The following GOLGA1 variants were observed in gnomAD, a reference collection of about 807,000 sequenced individuals.
The protein encoded by GOLGA1 is golgin A1.
GOLGA1 carries 63 observed loss-of-function variants against 119.7 expected under a neutral mutation model. That is an observed-to-expected ratio of 0.53 (90% CI 0.43 to 0.65). The LOEUF (loss-of-function observed/expected upper bound fraction) is 0.65. Ranked by LOEUF, GOLGA1 falls within the 30% of genes least tolerant of loss-of-function variation. GOLGA1 has a pLI of 0.00. For synonymous variants in GOLGA1, 318 were observed against 333.4 expected, an observed-to-expected ratio of 0.95 and a Z score of 0.50; for missense variants, 798 against 912.8, an observed-to-expected ratio of 0.87 and a Z score of 1.62.
At chr9:124,919,884 C>G (rs1169779125) in intron 10 of GOLGA1, among the ~76,000 whole-genome samples, 2 of 152,066 alleles carry the variant, frequency 1.3e-5, no homozygotes, top group African/African-American at 4.8e-5. Context: ...TTGTTCTGCT[C>G]AAAATGCCAA....
At chr9:124,900,724 C>T (rs939915674) in intron 12 of GOLGA1, among the ~76,000 whole-genome samples, 177 bp from the exon 13 acceptor site, 19 of 152,186 alleles carry the variant, frequency 1.2e-4, no homozygotes, top group Middle Eastern at 3.2e-3. Context: ...AACGTATTTT[C>T]TTAAACTCTC....
chr9:124,913,681 CTGT>C (rs1830382775), intron 10 of GOLGA1, among the ~76,000 whole-genome samples: 1 of 152,228 alleles, frequency 6.6e-6, no homozygotes, highest in African/African-American at 2.4e-5. Flanking sequence ...TGAACTCTAT[CTGT>C]TGTTTTCTGA....
At chr9:124,924,578 G>A (rs926698325) in intron 7 of GOLGA1, among the ~76,000 whole-genome samples, 4 of 148,796 alleles carry the variant, frequency 2.7e-5, no homozygotes, top group African/African-American at 9.9e-5. Context: ...GCTGCAGTGA[G>A]CTATGACTGT....
Position 124,926,705 on chromosome 9 carries a change from T to A in GOLGA1, c.432+4A>T, listed in dbSNP as rs1830680840. ...AAATGAGACAAAAATAAAGATGAAC[T>A]AACCTTTTCAAGCTGATCCATCTTT... On this transcript the variant is annotated splice_donor_region_variant and intron_variant, in intron 7 of 22. Transcript: ENST00000373555. 1 of 1,573,418 alleles carries A rather than the reference T, an allele frequency of 6.4e-7. No homozygotes were observed. The highest frequency in any genetic ancestry group is 1.4e-5 in the African/African-American group (1 of 74,050).
At chr9:124,892,430 T>A (rs1375986966) in intron 15 of GOLGA1, among the ~76,000 whole-genome samples, 1 of 152,236 alleles carries the variant, frequency 6.6e-6, no homozygotes, top group East Asian at 1.9e-4. Context: ...TTAGTTATAC[T>A]TGACCAATTT....
chr9:124,889,557 A>G (rs1198025425), intron 16 of GOLGA1, 21 bp from the exon 17 acceptor site: 2 of 1,494,858 alleles, frequency 1.3e-6, no homozygotes, highest in African/African-American at 2.8e-5. Context: ...AAAATCAACA[A>G]GAGGGAAGGT....
At chr9:124,907,043 ATAGT>A (rs1225738744) in intron 12 of GOLGA1, among the ~76,000 whole-genome samples, 3 of 152,176 alleles carry the variant, frequency 2.0e-5, no homozygotes, top group Non-Finnish European at 2.9e-5. Context: ...AGGCCCATAA[ATAGT>A]TAAAGTCAAC....
intron 10 of GOLGA1, among the ~76,000 whole-genome samples, chr9:124,919,180 C>A (rs972676043): frequency 1.3e-5 from 2 of 151,866 alleles, no homozygotes; most frequent in Non-Finnish European, 2.9e-5. Flanking sequence ...TCACTTCAGC[C>A]TGGGAGGCTG....
rs1303616123 is a variant in GOLGA1 at position 124,889,551 on chromosome 9, TCAA to T, written c.1498-18_1498-16del. 1.3e-6 allele frequency: 2 copies of T among 1,529,360 alleles called. No homozygotes were observed. The highest frequency in any genetic ancestry group is 3.3e-5 in the Admixed American group (2 of 59,880). 94.7% of individuals were successfully genotyped at this position (1,529,360 alleles called of 1,614,324 possible). ...AGGTTAGCTGCCTTGGAGAGAAAAATCAACAAGAGGGAAGGTTGTGAGCAGTGA... is the reference window on the plus strand; with the variant it reads ...AGGTTAGCTGCCTTGGAGAGAAAAATCAAGAGGGAAGGTTGTGAGCAGTGA... On this transcript the variant is annotated splice_polypyrimidine_tract_variant and intron_variant, in intron 16 of 22. Transcript: ENST00000373555.
chr9:124,908,403 T>TAG lies in GOLGA1; in HGVS notation c.1037_1038dup (p.Lys347LeufsTer11). ...CGAGTCTCCAGGGTGTTAATGGCCT[T>TAG]AGCCTGGCTGCTTCTGGCTGCCAAG... On this transcript the variant is annotated frameshift_variant, in exon 12 of 23. Transcript: ENST00000373555. LOFTEE classifies it high-confidence loss of function. The TAG allele has an allele frequency of 6.2e-7, 1 of 1,608,140 alleles. No homozygotes were observed.
At chr9:124,937,734 A>C (rs1041398731) in intron 3 of GOLGA1, among the ~76,000 whole-genome samples, 4 of 152,176 alleles carry the variant, frequency 2.6e-5, no homozygotes, top group Admixed American at 2.0e-4. Flanking sequence ...TCCCTCATAT[A>C]GCAACATCTT....
intron 8 of GOLGA1, among the ~76,000 whole-genome samples, chr9:124,922,813 A>G (rs1211663403): frequency 1.3e-5 from 2 of 152,140 alleles, no homozygotes; most frequent in Non-Finnish European, 2.9e-5. Context: ...CCAAATTTCT[A>G]TAACATTTTT....
intron 15 of GOLGA1, among the ~76,000 whole-genome samples, chr9:124,892,793 G>A (rs117286873): frequency 0.011 from 1,724 of 152,090 alleles, 90 homozygotes; most frequent in Admixed American, 0.083. Context: ...TTAGCCTAGT[G>A]TGGTGGTGCA....
chr9:124,940,819 C>T (rs900378346), intron 1 of GOLGA1, among the ~76,000 whole-genome samples, 152 bp downstream of exon 1: 2 of 152,224 alleles, frequency 1.3e-5, no homozygotes, highest in Non-Finnish European at 2.9e-5. Flanking sequence ...CGGGGCAGCC[C>T]GCCTCCGCCC....
chr9:124,913,049 C>T, intron 10 of GOLGA1, among the ~76,000 whole-genome samples: 1 of 152,134 alleles, frequency 6.6e-6, no homozygotes, highest in East Asian at 1.9e-4. Flanking sequence ...AGGAAACTTA[C>T]AAGCATGGCA....
chr9:124,935,720 G>C (rs1320826886), intron 3 of GOLGA1, among the ~76,000 whole-genome samples: 2 of 142,062 alleles, frequency 1.4e-5, no homozygotes, highest in Non-Finnish European at 3.0e-5. Context: ...AGAATTGCTT[G>C]AACCCAGGGT....
intron 12 of GOLGA1, among the ~76,000 whole-genome samples, chr9:124,905,665 A>G (rs1830212593): frequency 6.6e-6 from 1 of 152,160 alleles, no homozygotes; most frequent in African/African-American, 2.4e-5. Context: ...GGAGTAAGAT[A>G]AAGTTGTCAT....
intron 9 of GOLGA1, 120 bp from the exon 10 acceptor site, chr9:124,921,360 T>TTA: frequency 1.4e-6 from 1 of 692,302 alleles, no homozygotes; most frequent in East Asian, 2.5e-5. Flanking sequence ...ATTAGCCACA[T>TTA]GCAGGTTTTC....
chr9:124,882,878 G>T (rs1010643383), intron 19 of GOLGA1, among the ~76,000 whole-genome samples: 4 of 152,140 alleles, frequency 2.6e-5, no homozygotes, highest in African/African-American at 4.8e-5. Flanking sequence ...ACCACACACA[G>T]CCCAGCTGGA....
Sources: gnomAD v4.1 joint callset for allele counts (sites outside exome capture counted in the v4.1 genomes callset) on GRCh38, gnomAD v4.1.1 for gene constraint, MANE v1.5 for transcripts, NCBI Gene and HGNC (gene_info 2026-07-23, HGNC 2026-07-21) for gene names.